CSGALNACT2: variants seen among roughly 807,000 people sequenced by gnomAD.
CSGALNACT2 encodes the protein chondroitin sulfate N-acetylgalactosaminyltransferase 2.
A neutral mutation model predicts 55.3 loss-of-function variants in CSGALNACT2; 35 were observed. The ratio of observed to expected loss-of-function variants is 0.63; its 90% CI spans 0.48 to 0.84. The LOEUF (loss-of-function observed/expected upper bound fraction) is 0.84, where lower values mean the gene tolerates loss of function less well. Among genes scored for constraint, CSGALNACT2 ranks in the 40% least tolerant of loss-of-function variants. CSGALNACT2 has a pLI of 0.00. For missense variants in CSGALNACT2, 544 were observed against 657.5 expected (o/e 0.83, Z 1.89); for synonymous variants, 196 against 224.9 (o/e 0.87, Z 1.15).
At chr10:43,170,790 CCATGA>C (rs1283153051) in intron 6 of CSGALNACT2, among the ~76,000 whole-genome samples, 1 of 152,146 alleles carries the variant, frequency 6.6e-6, no homozygotes, top group Non-Finnish European at 1.5e-5. Flanking sequence ...TACCATGTAC[CCATGA>C]CATGACATAA....
intron 1 of CSGALNACT2, among the ~76,000 whole-genome samples, chr10:43,141,776 C>T (rs1037981400): frequency 1.4e-4 from 21 of 151,848 alleles, no homozygotes; most frequent in Admixed American, 2.0e-4. Context: ...TAACAGAGAT[C>T]GCGAAGGTAG....
intron 7 of CSGALNACT2, among the ~76,000 whole-genome samples, chr10:43,177,747 G>A (rs1839508833): frequency 1.3e-5 from 2 of 152,130 alleles, no homozygotes; most frequent in Non-Finnish European, 2.9e-5. Context: ...AACTTTTTGG[G>A]TGGACATAGA....
intron 5 of CSGALNACT2, among the ~76,000 whole-genome samples, chr10:43,165,625 C>G (rs1839248662): frequency 6.6e-6 from 1 of 151,950 alleles, no homozygotes; most frequent in Non-Finnish European, 1.5e-5. Flanking sequence ...ATAGTGAGTC[C>G]TAGTCTTTAA....
In CSGALNACT2 at chr10:43,184,634, AAATACGG is replaced by A. The variant is rs1416448467; in HGVS notation, c.*1096_*1102del. 2.0e-5 allele frequency: 3 copies of A among 152,222 alleles called. No individual in the cohort carries two copies. The highest frequency in any genetic ancestry group is 7.2e-5 in the African/African-American group (3 of 41,462). The allele number at this position is 152,222 out of a possible 1,614,324, so 9.4% of individuals were successfully genotyped here. The stretch of plus-strand genomic sequence containing the variant: ...GGAAGATAGTCTGAATGGAAATCTG[AAATACGG>A]AATGTTTTAGAGAAATATGTCACTT... On this transcript the variant is annotated 3_prime_UTR_variant, in exon 8 of 8. Coordinates refer to ENST00000374466, the MANE Select transcript of CSGALNACT2 (RefSeq NM_018590.5).
chr10:43,142,437 C>T (rs1475261409), intron 1 of CSGALNACT2, among the ~76,000 whole-genome samples: 2 of 152,122 alleles, frequency 1.3e-5, no homozygotes, highest in East Asian at 1.9e-4. Context: ...CTCCTGACCT[C>T]GTGATCTGCC....
Position 43,141,286 on chromosome 10 carries a change from C to T in CSGALNACT2, c.-254+2719C>T, listed in dbSNP as rs538329422. 6.6e-5 allele frequency among the ~76,000 whole-genome samples: 10 copies of T among 151,986 alleles called. 1 individual carries two copies. In the East Asian group the frequency reaches 1.2e-3, roughly 18 times the overall value. On this transcript the variant is annotated intron_variant, in intron 1 of 7. Transcript: ENST00000374466. ...AGGCTGGAGTGCAGTGGCGCCATCT[C>T]GGCTTACTGCGAGCTCCACCTCCCA...
Position 43,155,556 on chromosome 10 carries a change from G to A in CSGALNACT2, c.407G>A (p.Gly136Glu), listed in dbSNP as rs756215710. 6.2e-7 allele frequency: 1 copy of A among 1,614,150 alleles called. No homozygotes were observed. The highest frequency in any genetic ancestry group is 1.7e-5 in the Admixed American group (1 of 60,014). The change falls in exon 2 of 8, where the codon GGG becomes GAG. Residue 136 changes from glycine (G) to glutamate (E), a missense_variant. By Grantham distance (98) the Gly-to-Glu change is moderately conservative. This residue lies in a region of CSGALNACT2 where 374 missense variants were observed against 401.3 expected (regional missense o/e 0.93). Coordinates refer to ENST00000374466, the MANE Select transcript of CSGALNACT2 (RefSeq NM_018590.5). ...SQIDKAEVSI[G>E]AKLPSEYGVI... Reference sequence around the variant, plus strand: ...ATTGACAAAGCTGAAGTTAGCATAGGGGCCAAACTACCCAGTGAGTATGGG... The same window carrying A: ...ATTGACAAAGCTGAAGTTAGCATAGAGGCCAAACTACCCAGTGAGTATGGG...
intron 5 of CSGALNACT2, among the ~76,000 whole-genome samples, chr10:43,165,828 A>G (rs1013505189): frequency 3.3e-5 from 5 of 152,144 alleles, no homozygotes; most frequent in African/African-American, 1.2e-4. Flanking sequence ...CATCTCTACT[A>G]AAAATTAGCC....
At chr10:43,168,153 A>G (rs1839306769) in intron 6 of CSGALNACT2, among the ~76,000 whole-genome samples, 3 of 152,330 alleles carry the variant, frequency 2.0e-5, no homozygotes, top group African/African-American at 7.2e-5. Context: ...TATTTTATGA[A>G]TAAAAGAGGT....
intron 7 of CSGALNACT2, among the ~76,000 whole-genome samples, chr10:43,176,234 G>A (rs1310415718): frequency 6.6e-6 from 1 of 152,140 alleles, no homozygotes. Context: ...TAAAAATAAA[G>A]TATAATATTT....
At position 43,163,867 on chromosome 10, in the gene CSGALNACT2, G is replaced by T; in HGVS notation, c.982G>T (p.Glu328Ter). ...TTGTTGTGTGTGCTTTCCTCATAGT[G>T]AGTCTAATTTTCACAATTACACCTT... ...VKSILESVTS[E>*]SNFHNYTLVS... The change falls in exon 5 of 8, where the codon GAG becomes TAG. Residue 328 changes from glutamate to a stop codon, truncating the protein, a stop_gained and splice_region_variant. Coordinates refer to ENST00000374466, the MANE Select transcript of CSGALNACT2 (RefSeq NM_018590.5). LOFTEE classifies it high-confidence loss of function. 1 of 1,611,676 alleles carries T rather than the reference G, an allele frequency of 6.2e-7. No individual in the cohort carries two copies.
chr10:43,183,092 G>A (rs769937895), intron 7 of CSGALNACT2, among the ~76,000 whole-genome samples, 158 bp from the exon 8 acceptor site: 9 of 151,966 alleles, frequency 5.9e-5, no homozygotes, highest in Non-Finnish European at 1.2e-4. Flanking sequence ...CTGGACTTCC[G>A]GTGACTGGGA....
chr10:43,174,328 C>T (rs1445919158), intron 6 of CSGALNACT2, among the ~76,000 whole-genome samples: 2 of 152,174 alleles, frequency 1.3e-5, no homozygotes, highest in East Asian at 3.9e-4. Flanking sequence ...TGTACAGCAG[C>T]AATTTCAGAC....
intron 7 of CSGALNACT2, 52 bp downstream of exon 7, chr10:43,176,084 G>A: frequency 3.6e-6 from 5 of 1,408,304 alleles, no homozygotes; most frequent in Non-Finnish European, 4.9e-6. Flanking sequence ...CAGACTTAAT[G>A]GTATTTTGCT....
intron 4 of CSGALNACT2, 106 bp from the exon 5 acceptor site, chr10:43,163,760 A>C: frequency 1.4e-6 from 2 of 1,398,848 alleles, no homozygotes; most frequent in Non-Finnish European, 1.9e-6. Context: ...GAACCAATAT[A>C]ATCAAATATT....
At chr10:43,152,938 G>A (rs1450669785) in intron 1 of CSGALNACT2, among the ~76,000 whole-genome samples, 1 of 152,140 alleles carries the variant, frequency 6.6e-6, no homozygotes, top group Non-Finnish European at 1.5e-5. Context: ...GTATGGTTAA[G>A]TCCTGGAAAT....
chr10:43,173,169 G>A (rs181250161), intron 6 of CSGALNACT2, among the ~76,000 whole-genome samples: 218 of 152,324 alleles, frequency 1.4e-3, no homozygotes, highest in Middle Eastern at 6.8e-3. Context: ...TTATAATTAC[G>A]GAGAAAGGTT....
chr10:43,182,167 C>G (rs548148218), intron 7 of CSGALNACT2, among the ~76,000 whole-genome samples: 1 of 152,006 alleles, frequency 6.6e-6, no homozygotes, highest in Admixed American at 6.5e-5. Context: ...CCCCATCACT[C>G]TATCAGAATT....
At chr10:43,140,434 C>A (rs1458948575) in intron 1 of CSGALNACT2, among the ~76,000 whole-genome samples, 1 of 152,090 alleles carries the variant, frequency 6.6e-6, no homozygotes, top group Admixed American at 6.5e-5. Flanking sequence ...TTTAAAAAAG[C>A]ATAACTATTA....
Sources: gnomAD v4.1 joint callset for allele counts (sites outside exome capture counted in the v4.1 genomes callset) on GRCh38, gnomAD v4.1.1 for gene constraint, gnomAD v4.1.1 regional missense constraint, MANE v1.5 for transcripts, NCBI Gene and HGNC (gene_info 2026-07-23, HGNC 2026-07-21) for gene names.